The following DRC11 variants were observed in gnomAD, a reference collection of about 807,000 sequenced individuals.
DRC11 encodes dynein regulatory complex subunit 11.
chr2:236,459,689 A>T, the DRC11 span, among the ~76,000 whole-genome samples: 3 of 129,088 alleles, frequency 2.3e-5, no homozygotes, highest in Admixed American at 1.5e-4. Flanking sequence ...ATGTATATAC[A>T]TATATACATA....
chr2:236,314,156 A>G, the DRC11 span, among the ~76,000 whole-genome samples: 1 of 152,180 alleles, frequency 6.6e-6, no homozygotes, highest in African/African-American at 2.4e-5. This position sits in a 1 kb window ranked among gnomAD's most constrained non-coding sequence, Gnocchi z 4.5. Context: ...ATTGGGGGAG[A>G]TTGGGCAGCA....
chr2:236,439,808 A>T, the DRC11 span, among the ~76,000 whole-genome samples: 1 of 152,156 alleles, frequency 6.6e-6, no homozygotes, highest in Non-Finnish European at 1.5e-5. Context: ...AACAGATTTA[A>T]CCTAACAATT....
the DRC11 span, among the ~76,000 whole-genome samples, chr2:236,389,206 G>C: frequency 8.5e-5 from 13 of 152,278 alleles, no homozygotes; most frequent in East Asian, 2.5e-3. Context: ...CGAGCTTCCC[G>C]GCTGCTTTGT....
At chr2:236,400,475 C>A in the DRC11 span, among the ~76,000 whole-genome samples, 1 of 152,248 alleles carries the variant, frequency 6.6e-6, no homozygotes, top group Non-Finnish European at 1.5e-5. This position sits in a 1 kb window ranked among gnomAD's most constrained non-coding sequence, Gnocchi z 7.9. Flanking sequence ...GAGCTAGGCC[C>A]TGCAAACCCT....
chr2:236,338,102 C>T, the DRC11 span: 1 of 1,169,486 alleles, frequency 8.6e-7, no homozygotes, highest in Non-Finnish European at 1.2e-6. Flanking sequence ...CTCCCCTCAA[C>T]TCATCTGGCG....
the DRC11 span, among the ~76,000 whole-genome samples, chr2:236,475,857 C>T: frequency 3.3e-5 from 5 of 152,158 alleles, no homozygotes; most frequent in South Asian, 1.0e-3. The surrounding 1 kb of genome is among the most constrained non-coding windows in gnomAD (Gnocchi z 4.8). Flanking sequence ...TTCTTGGAGT[C>T]TTTGTCGAAA....
At chr2:236,434,568 A>C in the DRC11 span, among the ~76,000 whole-genome samples, 1 of 152,108 alleles carries the variant, frequency 6.6e-6, no homozygotes, top group African/African-American at 2.4e-5. This position sits in a 1 kb window ranked among gnomAD's most constrained non-coding sequence, Gnocchi z 5.5. Flanking sequence ...GGGGGGATGA[A>C]GCTTGTCTAA....
chr2:236,398,242 T>C, the DRC11 span, among the ~76,000 whole-genome samples: 2 of 152,238 alleles, frequency 1.3e-5, no homozygotes, highest in African/African-American at 2.4e-5. This position sits in a 1 kb window ranked among gnomAD's most constrained non-coding sequence, Gnocchi z 6.2. Flanking sequence ...AGTGTCATCG[T>C]GTCCCCCAGG....
chr2:236,489,529 C>T, the DRC11 span, among the ~76,000 whole-genome samples: 27 of 152,272 alleles, frequency 1.8e-4, no homozygotes, highest in African/African-American at 6.5e-4. Flanking sequence ...AGTGCTGTTC[C>T]AGAGGCCCCA....
At chr2:236,453,019 G>A in the DRC11 span, among the ~76,000 whole-genome samples, 4 of 152,272 alleles carry the variant, frequency 2.6e-5, no homozygotes, top group Admixed American at 2.0e-4. This position sits in a 1 kb window ranked among gnomAD's most constrained non-coding sequence, Gnocchi z 4.9. Context: ...ACCTTAGGAA[G>A]AGATAGAAAG....
At chr2:236,345,980 C>T in the DRC11 span, among the ~76,000 whole-genome samples, 18 of 152,316 alleles carry the variant, frequency 1.2e-4, no homozygotes, top group South Asian at 4.1e-4. Flanking sequence ...GCAGATTATG[C>T]GCCTTCAAAG....
chr2:236,462,743 C>T, the DRC11 span, among the ~76,000 whole-genome samples: 4 of 152,022 alleles, frequency 2.6e-5, no homozygotes, highest in Non-Finnish European at 5.9e-5. The surrounding 1 kb of genome is among the most constrained non-coding windows in gnomAD (Gnocchi z 6.4). Flanking sequence ...TTGCCCCAGC[C>T]GACAGCTGTT....
the DRC11 span, among the ~76,000 whole-genome samples, chr2:236,428,425 T>C: frequency 3.0e-3 from 458 of 152,336 alleles, 3 homozygotes; most frequent in African/African-American, 0.011. Flanking sequence ...TGATGTTTGG[T>C]ACATATATAT....
the DRC11 span, among the ~76,000 whole-genome samples, chr2:236,489,590 T>C: frequency 4.0e-5 from 6 of 151,886 alleles, no homozygotes. Flanking sequence ...TGTCCATGCA[T>C]GGATGGAAGC....
the DRC11 span, chr2:236,377,253 A>T: frequency 1.1e-6 from 1 of 918,446 alleles, no homozygotes; most frequent in African/African-American, 1.6e-5. This position sits in a 1 kb window ranked among gnomAD's most constrained non-coding sequence, Gnocchi z 4.9. Context: ...TCTGTTAATG[A>T]TCACATACGC....
At chr2:236,464,051 G>A in the DRC11 span, among the ~76,000 whole-genome samples, 5 of 152,162 alleles carry the variant, frequency 3.3e-5, no homozygotes, top group African/African-American at 1.2e-4. Flanking sequence ...CTGACACAAT[G>A]GTCGCTGACT....
chr2:236,491,142 GTATA>G, the DRC11 span, among the ~76,000 whole-genome samples: 1 of 39,360 alleles, frequency 2.5e-5, no homozygotes. Context: ...TATATATACA[GTATA>G]TATATACACA....
At chr2:236,437,716 G>C in the DRC11 span, among the ~76,000 whole-genome samples, 1 of 151,976 alleles carries the variant, frequency 6.6e-6, no homozygotes, top group East Asian at 1.9e-4. Context: ...TTTTTCATGT[G>C]TTTTTTGGCT....
At chr2:236,354,337 G>A in the DRC11 span, among the ~76,000 whole-genome samples, 1 of 105,640 alleles carries the variant, frequency 9.5e-6, no homozygotes, top group African/African-American at 4.0e-5. Flanking sequence ...GTGTATTAGT[G>A]TGCATGTGTG....
Sources: gnomAD v4.1 joint callset for allele counts (sites outside exome capture counted in the v4.1 genomes callset) on GRCh38, gnomAD v4.1.1 for gene constraint, Gnocchi (gnomAD v3.1) non-coding constraint, MANE v1.5 for transcripts, NCBI Gene and HGNC (gene_info 2026-07-23, HGNC 2026-07-21) for gene names.